KCNIP4: variants seen among roughly 807,000 people sequenced by gnomAD.
KCNIP4 encodes potassium voltage-gated channel interacting protein 4, also known as Kv channel-interacting protein 4.
KCNIP4 carries 12 observed loss-of-function variants against 34.0 expected under a neutral mutation model. That is an observed-to-expected ratio of 0.35 (90% CI 0.23 to 0.57). The LOEUF is 0.57. KCNIP4 is among the 20% of genes least tolerant of loss of function. The pLI, the probability that KCNIP4 is intolerant of heterozygous loss-of-function variation, is 0.83. For synonymous variants in KCNIP4, 124 were observed against 102.2 expected (o/e 1.21, Z -1.29); for missense variants, 238 against 311.7 (o/e 0.76, Z 1.78).
At chr4:21,627,934 G>A (rs1315725276) in intron 1 of KCNIP4, among the ~76,000 whole-genome samples, 2 of 152,242 alleles carry the variant, frequency 1.3e-5, no homozygotes, top group Middle Eastern at 3.4e-3. Context: ...ATTATGCAAC[G>A]AATGGAATTT....
chr4:21,138,422 A>G (rs10011670), intron 1 of KCNIP4, among the ~76,000 whole-genome samples: 80,127 of 151,836 alleles, frequency 0.53, 21,724 homozygotes, highest in African/African-American at 0.64. Context: ...AGAGCATGCC[A>G]TCATTCTTGT....
Position 21,022,431 on chromosome 4 carries a change from G to A in KCNIP4, c.62-139722C>T, listed in dbSNP as rs547434704. ...TTTGATGCTATTAAAAAGATCTGCCGATGCAAAACCATATTATAGCCAGGG... is the reference window on the plus strand; with the variant it reads ...TTTGATGCTATTAAAAAGATCTGCCAATGCAAAACCATATTATAGCCAGGG... On this transcript the variant is annotated intron_variant, in intron 1 of 8. Coordinates refer to ENST00000382152, the MANE Select transcript of KCNIP4 (RefSeq NM_025221.6). Among the ~76,000 whole-genome samples, 308 of 152,236 alleles carry A rather than the reference G, an allele frequency of 2.0e-3. 11 individuals are homozygous for A. The highest frequency in any genetic ancestry group is 6.6e-4 in the Non-Finnish European group (45 of 68,002).
At chr4:21,075,736 G>A (rs1368266372) in intron 1 of KCNIP4, among the ~76,000 whole-genome samples, 2 of 152,098 alleles carry the variant, frequency 1.3e-5, no homozygotes, top group Non-Finnish European at 2.9e-5. Flanking sequence ...TCCTAGCATC[G>A]ATGGTCTTTA....
At chr4:21,051,537 T>TG (rs1177270130) in intron 1 of KCNIP4, among the ~76,000 whole-genome samples, 1 of 152,128 alleles carries the variant, frequency 6.6e-6, no homozygotes, top group Non-Finnish European at 1.5e-5. Flanking sequence ...TCATAATGTG[T>TG]GGGGGTATAG....
intron 1 of KCNIP4, among the ~76,000 whole-genome samples, chr4:21,233,340 C>T (rs1577928902): frequency 6.6e-6 from 1 of 152,026 alleles, no homozygotes; most frequent in African/African-American, 2.4e-5. Flanking sequence ...TGAACACAAA[C>T]GATGTCTACT....
chr4:21,097,615 G>T (rs1276825986), intron 1 of KCNIP4, among the ~76,000 whole-genome samples: 2 of 152,014 alleles, frequency 1.3e-5, no homozygotes, highest in Non-Finnish European at 2.9e-5. Flanking sequence ...TACCATCATT[G>T]TTTGGGGCAC....
At chr4:20,891,460 C>A (rs918108557) in intron 1 of KCNIP4, among the ~76,000 whole-genome samples, 2 of 152,000 alleles carry the variant, frequency 1.3e-5, no homozygotes, top group African/African-American at 2.4e-5. Flanking sequence ...CAAAAATTAG[C>A]CAGGTGTGGT....
intron 1 of KCNIP4, among the ~76,000 whole-genome samples, chr4:21,410,640 C>T (rs960094063): frequency 6.6e-6 from 1 of 152,212 alleles, no homozygotes; most frequent in Non-Finnish European, 1.5e-5. Flanking sequence ...AACACCTTGA[C>T]TGCAACCTCA....
chr4:20,913,489 C>A (rs978909301), intron 1 of KCNIP4, among the ~76,000 whole-genome samples: 75 of 152,220 alleles, frequency 4.9e-4, no homozygotes, highest in African/African-American at 1.7e-3. Flanking sequence ...TGTGAATATA[C>A]TAAAAACCAC....
chr4:20,788,809 T>C (rs1342617843), intron 3 of KCNIP4, among the ~76,000 whole-genome samples: 2 of 151,958 alleles, frequency 1.3e-5, no homozygotes, highest in South Asian at 2.1e-4. Context: ...AAATGGAAAA[T>C]TACACCTTCT....
chr4:21,273,702 A>C (rs1762283837), intron 1 of KCNIP4, among the ~76,000 whole-genome samples: 1 of 152,216 alleles, frequency 6.6e-6, no homozygotes, highest in East Asian at 1.9e-4. Context: ...ACTTACACTA[A>C]AACCTGAAGC....
At chr4:21,254,175 C>A (rs1206695019) in intron 1 of KCNIP4, among the ~76,000 whole-genome samples, 1 of 152,204 alleles carries the variant, frequency 6.6e-6, no homozygotes, top group African/African-American at 2.4e-5. Context: ...TACATGCATA[C>A]ATTCAGACAT....
intron 1 of KCNIP4, among the ~76,000 whole-genome samples, chr4:21,059,299 G>A (rs998913835): frequency 8.5e-5 from 13 of 152,094 alleles, no homozygotes; most frequent in Admixed American, 5.9e-4. Context: ...TTCCAGTGAC[G>A]TTAATCTCTA....
intron 1 of KCNIP4, among the ~76,000 whole-genome samples, chr4:21,239,912 G>C (rs950548701): frequency 2.0e-5 from 3 of 152,080 alleles, no homozygotes; most frequent in African/African-American, 7.2e-5. Context: ...CTGCTATAAA[G>C]ACACATGCAC....
chr4:21,203,336 T>A (rs1756626104), intron 1 of KCNIP4, among the ~76,000 whole-genome samples: 1 of 148,160 alleles, frequency 6.7e-6, no homozygotes, highest in Admixed American at 6.6e-5. Flanking sequence ...ATTGACTGGA[T>A]GATTGGCAGA....
intron 1 of KCNIP4, among the ~76,000 whole-genome samples, chr4:21,558,791 A>G (rs1577594010): frequency 6.6e-6 from 1 of 152,186 alleles, no homozygotes; most frequent in African/African-American, 2.4e-5. Context: ...AAGATTATGT[A>G]GATTTTGCTT....
intron 1 of KCNIP4, among the ~76,000 whole-genome samples, chr4:20,937,457 A>G (rs952973815): frequency 4.1e-4 from 62 of 150,770 alleles, no homozygotes; most frequent in African/African-American, 1.4e-3. Flanking sequence ...GATGGTCTCG[A>G]TCTCCTGACC....
At chr4:20,731,078 CT>C (rs1236408360) in intron 8 of KCNIP4, among the ~76,000 whole-genome samples, 2 of 152,046 alleles carry the variant, frequency 1.3e-5, no homozygotes, top group Non-Finnish European at 2.9e-5. Context: ...TTGAAAAATT[CT>C]TTTTTTCTTT....
chr4:21,712,536 G>A (rs1047915288), intron 1 of KCNIP4, among the ~76,000 whole-genome samples: 2 of 152,170 alleles, frequency 1.3e-5, no homozygotes, highest in African/African-American at 4.8e-5. Context: ...CATAGCCAAT[G>A]AGCACAGAAT....
Sources: gnomAD v4.1 joint callset for allele counts (sites outside exome capture counted in the v4.1 genomes callset) on GRCh38, gnomAD v4.1.1 for gene constraint, MANE v1.5 for transcripts, NCBI Gene and HGNC (gene_info 2026-07-23, HGNC 2026-07-21) for gene names.